ROBO2: variants seen among roughly 807,000 people sequenced by gnomAD.
ROBO2 encodes roundabout homolog 2.
Under a neutral mutation model 160.8 loss-of-function variants are expected in ROBO2, and 53 were observed. The ratio of observed to expected loss-of-function variants is 0.33; its 90% CI spans 0.26 to 0.41. The LOEUF (loss-of-function observed/expected upper bound fraction) is 0.41, where lower values mean the gene tolerates loss of function less well. ROBO2 is among the 10% of genes least tolerant of loss of function. ROBO2 has a pLI of 1.00. For missense variants in ROBO2, 1,577 were observed against 1,722.4 expected, an observed-to-expected ratio of 0.92 and a Z score of 1.49; for synonymous variants, 664 against 611.7, an observed-to-expected ratio of 1.09 and a Z score of -1.26.
chr3:75,922,047 C>T (rs1052491460), intron 1 of ROBO2, among the ~76,000 whole-genome samples: 4 of 152,140 alleles, frequency 2.6e-5, no homozygotes, highest in African/African-American at 9.7e-5. Context: ...AACTGACTGT[C>T]ATGCTTGAAT....
chr3:77,140,755 G>A (rs929258511), intron 2 of ROBO2, among the ~76,000 whole-genome samples: 18 of 152,212 alleles, frequency 1.2e-4, no homozygotes, highest in South Asian at 6.2e-4. Context: ...TACTGATGGC[G>A]TCCCTTTCTT....
At chr3:76,906,172 C>T (rs889474591) in intron 2 of ROBO2, among the ~76,000 whole-genome samples, 1 of 152,008 alleles carries the variant, frequency 6.6e-6, no homozygotes, top group Non-Finnish European at 1.5e-5. Flanking sequence ...CAAAAACTGA[C>T]ATTCATAAAA....
rs370235841 is a variant in ROBO2, at chr3:76,974,156, C to T, written c.110-123858C>T. Among the ~76,000 whole-genome samples, 3 of 152,196 alleles carry T rather than the reference C, an allele frequency of 2.0e-5. 1 individual carries two copies. The highest frequency in any genetic ancestry group is 7.2e-5 in the African/African-American group (3 of 41,538). ...TTATTTGAAGGACAACAAAGTGTGG[C>T]AATCTTGAAAATAGGAAAATTCTAA... On this transcript the variant is annotated intron_variant, in intron 2 of 26. Coordinates refer to the ROBO2 transcript ENST00000487694.
chr3:77,598,883 C>G (rs1204511709), intron 19 of ROBO2, among the ~76,000 whole-genome samples: 1 of 152,264 alleles, frequency 6.6e-6, no homozygotes, highest in East Asian at 1.9e-4. Context: ...GACTCTTTTA[C>G]CTCTTGTATT....
chr3:77,044,843 AT>A (rs1446083897), intron 1 of ROBO2, among the ~76,000 whole-genome samples: 2 of 152,160 alleles, frequency 1.3e-5, no homozygotes, highest in Non-Finnish European at 2.9e-5. Flanking sequence ...ATAGAGTGCC[AT>A]TTTACAGATT....
At chr3:76,518,104 T>G (rs930416441) in intron 2 of ROBO2, among the ~76,000 whole-genome samples, 4 of 152,266 alleles carry the variant, frequency 2.6e-5, no homozygotes, top group Non-Finnish European at 1.5e-5. Flanking sequence ...CATACAGCAC[T>G]GTGTCAGTTA....
At chr3:76,522,942 A>G (rs1213181181) in intron 2 of ROBO2, among the ~76,000 whole-genome samples, 1 of 149,840 alleles carries the variant, frequency 6.7e-6, no homozygotes, top group Non-Finnish European at 1.5e-5. Flanking sequence ...ATAGCTGTAT[A>G]TATTACATAA....
intron 2 of ROBO2, among the ~76,000 whole-genome samples, chr3:77,199,754 G>T (rs2082651162): frequency 2.0e-5 from 3 of 150,620 alleles, no homozygotes; most frequent in Admixed American, 6.6e-5. Flanking sequence ...TCCTGAGTAG[G>T]TGGGACAACA....
At chr3:77,309,602 A>G (rs1295166124) in intron 2 of ROBO2, among the ~76,000 whole-genome samples, 1 of 152,250 alleles carries the variant, frequency 6.6e-6, no homozygotes, top group African/African-American at 2.4e-5. Flanking sequence ...ATCTGGTAAC[A>G]CTACTACTAA....
intron 2 of ROBO2, among the ~76,000 whole-genome samples, chr3:77,421,242 T>C (rs1404151948): frequency 6.6e-6 from 1 of 152,210 alleles, no homozygotes; most frequent in East Asian, 1.9e-4. Flanking sequence ...AAATGTTCAG[T>C]ATTATGTGGT....
At chr3:77,503,271 A>T (rs2087900025) in intron 5 of ROBO2, among the ~76,000 whole-genome samples, 1 of 151,536 alleles carries the variant, frequency 6.6e-6, no homozygotes, top group Non-Finnish European at 1.5e-5. Context: ...CACGCCTGTA[A>T]TCCCAGCACT....
At chr3:77,018,712 T>G (rs1354181072) in intron 2 of ROBO2, among the ~76,000 whole-genome samples, 1 of 152,160 alleles carries the variant, frequency 6.6e-6, no homozygotes, top group Non-Finnish European at 1.5e-5. Context: ...AGTACTTTCA[T>G]GAAAGAAAAA....
chr3:76,605,152 C>A (rs1304342549), intron 2 of ROBO2, among the ~76,000 whole-genome samples: 1 of 152,024 alleles, frequency 6.6e-6, no homozygotes, highest in Non-Finnish European at 1.5e-5. Context: ...TGTTGAATGG[C>A]TATGCTAAAC....
At chr3:77,311,282 A>C (rs763973195) in intron 2 of ROBO2, among the ~76,000 whole-genome samples, 10 of 152,140 alleles carry the variant, frequency 6.6e-5, no homozygotes, top group Non-Finnish European at 1.2e-4. Context: ...ATATTGTACT[A>C]TTGTATGTGC....
At chr3:76,669,471 G>A (rs1243208334) in intron 2 of ROBO2, among the ~76,000 whole-genome samples, 1 of 152,144 alleles carries the variant, frequency 6.6e-6, no homozygotes, top group Non-Finnish European at 1.5e-5. Flanking sequence ...AATATGAAAG[G>A]AACGTGCAAC....
chr3:76,643,809 A>G (rs1251452210), intron 2 of ROBO2, among the ~76,000 whole-genome samples: 1 of 152,144 alleles, frequency 6.6e-6, no homozygotes, highest in Non-Finnish European at 1.5e-5. Flanking sequence ...TCCTGGGCCC[A>G]ATTAAATTTC....
rs557555445 is a variant in ROBO2 at position 77,300,888 on chromosome 3, A to G, written c.389-176526A>G. Among the ~76,000 whole-genome samples the G allele has an allele frequency of 2.6e-3, 349 of 135,816 alleles. 1 individual carries two copies. The highest frequency in any genetic ancestry group is 4.3e-3 in the Non-Finnish European group (265 of 62,322). 89.1% of individuals were successfully genotyped at this position (135,816 alleles called of 152,430 possible). On this transcript the variant is annotated intron_variant, in intron 2 of 25. Coordinates refer to ENST00000461745, the Ensembl canonical transcript of ROBO2. The stretch of plus-strand genomic sequence containing the variant: ...TATTTATTTATTTATTTATTTATTT[A>G]TTTGGCAGAGTCTCACTCTGTCACC...
intron 2 of ROBO2, among the ~76,000 whole-genome samples, chr3:76,307,762 T>C (rs2071395557): frequency 6.6e-6 from 1 of 152,100 alleles, no homozygotes; most frequent in Non-Finnish European, 1.5e-5. Flanking sequence ...ATTGGCTAAG[T>C]AGCAATATGT....
At chr3:77,088,304 A>T (rs2069632745) in intron 1 of ROBO2, among the ~76,000 whole-genome samples, 1 of 152,152 alleles carries the variant, frequency 6.6e-6, no homozygotes, top group Non-Finnish European at 1.5e-5. Flanking sequence ...CAACTCATTC[A>T]CCCTAATTAA....
Sources: allele counts gnomAD v4.1 joint callset (sites outside exome capture counted in the v4.1 genomes callset), GRCh38; gene constraint gnomAD v4.1.1; transcripts MANE v1.5; gene names NCBI Gene and HGNC (gene_info 2026-07-23, HGNC 2026-07-21).